KCNH7: variants seen among roughly 807,000 people sequenced by gnomAD.
The protein encoded by KCNH7 is voltage-gated inwardly rectifying potassium channel KCNH7.
A neutral mutation model predicts 120.8 loss-of-function variants in KCNH7; 49 were observed. That is an observed-to-expected ratio of 0.41 (90% CI 0.32 to 0.51). KCNH7 has a LOEUF of 0.51. Ranked by LOEUF, KCNH7 falls within the 20% of genes least tolerant of loss-of-function variation. The pLI, the probability that KCNH7 is intolerant of heterozygous loss-of-function variation, is 0.38. For missense variants in KCNH7, 1,097 were observed against 1,446.6 expected (o/e 0.76, Z 3.92); for synonymous variants, 547 against 516.1 (o/e 1.06, Z -0.81).
At chr2:162,767,738 G>A (rs1682877917) in intron 2 of KCNH7, among the ~76,000 whole-genome samples, 1 of 151,840 alleles carries the variant, frequency 6.6e-6, no homozygotes. Context: ...TATATTCATG[G>A]GTGAATACTT....
intron 12 of KCNH7, among the ~76,000 whole-genome samples, chr2:162,390,647 A>G (rs1464904945): frequency 6.6e-6 from 1 of 151,912 alleles, no homozygotes; most frequent in African/African-American, 2.4e-5. Context: ...TACAATAAAC[A>G]TTGTCATATT....
intron 10 of KCNH7, among the ~76,000 whole-genome samples, chr2:162,399,852 T>C (rs1395503276): frequency 3.3e-5 from 5 of 151,840 alleles, no homozygotes; most frequent in African/African-American, 7.2e-5. Flanking sequence ...TTTTAAGGTG[T>C]TGAGGGATCA....
At chr2:162,723,897 T>C (rs1365732372) in intron 2 of KCNH7, among the ~76,000 whole-genome samples, 2 of 152,162 alleles carry the variant, frequency 1.3e-5, no homozygotes, top group African/African-American at 2.4e-5. Flanking sequence ...ATATACACAG[T>C]TTCAAATATA....
chr2:162,440,881 A>T (rs1019668648), intron 7 of KCNH7, among the ~76,000 whole-genome samples: 1 of 152,158 alleles, frequency 6.6e-6, no homozygotes, highest in African/African-American at 2.4e-5. Flanking sequence ...TGCAAATGTT[A>T]CAACAAATAA....
chr2:162,449,256 T>C (rs939882048), intron 6 of KCNH7, among the ~76,000 whole-genome samples: 1 of 152,008 alleles, frequency 6.6e-6, no homozygotes, highest in East Asian at 1.9e-4. Flanking sequence ...AACCTTCTCA[T>C]ACAGGAATAA....
chr2:162,822,987 C>T (rs923608935), intron 2 of KCNH7, among the ~76,000 whole-genome samples: 21 of 152,152 alleles, frequency 1.4e-4, no homozygotes, highest in African/African-American at 4.6e-4. Flanking sequence ...ACATTTCACA[C>T]TTTGCATCAA....
chr2:162,566,554 A>G (rs541031644), intron 2 of KCNH7, among the ~76,000 whole-genome samples: 2 of 152,204 alleles, frequency 1.3e-5, no homozygotes, highest in South Asian at 2.1e-4. Flanking sequence ...TCAATTTACC[A>G]TCTCATGTAG....
At chr2:162,656,590 T>C (rs1684771919) in intron 2 of KCNH7, among the ~76,000 whole-genome samples, 1 of 152,192 alleles carries the variant, frequency 6.6e-6, no homozygotes. Context: ...AAGTAACTAT[T>C]CTCCTTTCCA....
intron 9 of KCNH7, among the ~76,000 whole-genome samples, chr2:162,406,452 G>A (rs183710445): frequency 4.1e-4 from 62 of 152,054 alleles, no homozygotes; most frequent in East Asian, 2.9e-3. Flanking sequence ...TGTGGCAAAT[G>A]ACTCCTCTAA....
chr2:162,606,924 A>G (rs969255914), intron 2 of KCNH7, among the ~76,000 whole-genome samples: 1 of 152,182 alleles, frequency 6.6e-6, no homozygotes, highest in African/African-American at 2.4e-5. Context: ...TAGCATTCAA[A>G]AAGCAACTAA....
chr2:162,477,495 G>A (rs1689785663), intron 6 of KCNH7, among the ~76,000 whole-genome samples: 1 of 152,188 alleles, frequency 6.6e-6, no homozygotes, highest in South Asian at 2.1e-4. Flanking sequence ...GAATAGAGAA[G>A]GAGGGACTTT....
chr2:162,821,944 G>A (rs1259947508), intron 2 of KCNH7, among the ~76,000 whole-genome samples: 5 of 151,232 alleles, frequency 3.3e-5, no homozygotes, highest in Non-Finnish European at 7.4e-5. Flanking sequence ...TTTTAATATA[G>A]CTGAAAGACA....
rs184050288 is a variant in KCNH7 at position 162,386,958 on chromosome 2, G to A, written c.2711-2019C>T. Among the ~76,000 whole-genome samples the A allele has an allele frequency of 2.0e-5, 3 of 151,546 alleles. No individual in the cohort carries two copies. In the East Asian group the frequency reaches 5.8e-4, roughly 29 times the overall value. ...CCTTGGACATGTGTTTACAAAATGT[G>A]GTCAGTGAGGAATTACTATTATTTA... On this transcript the variant is annotated intron_variant, in intron 12 of 15. Coordinates refer to ENST00000332142, the MANE Select transcript of KCNH7 (RefSeq NM_033272.4).
intron 2 of KCNH7, among the ~76,000 whole-genome samples, chr2:162,670,235 G>A (rs1255450388): frequency 6.6e-6 from 1 of 151,902 alleles, no homozygotes; most frequent in Non-Finnish European, 1.5e-5. Context: ...CACTTTGGGA[G>A]ACCGAGGCAG....
chr2:162,455,215 C>T (rs1484128276), intron 6 of KCNH7, among the ~76,000 whole-genome samples: 1 of 152,136 alleles, frequency 6.6e-6, no homozygotes, highest in Non-Finnish European at 1.5e-5. Context: ...GTCATTGGTT[C>T]TGTTTACATG....
At chr2:162,581,256 T>G (rs1165826598) in intron 2 of KCNH7, among the ~76,000 whole-genome samples, 1 of 152,068 alleles carries the variant, frequency 6.6e-6, no homozygotes, top group Non-Finnish European at 1.5e-5. Flanking sequence ...AGACCCAAAT[T>G]TTAAAAACTA....
At chr2:162,759,868 C>T (rs968484235) in intron 2 of KCNH7, among the ~76,000 whole-genome samples, 4 of 152,128 alleles carry the variant, frequency 2.6e-5, no homozygotes, top group African/African-American at 7.2e-5. Flanking sequence ...TTTGCTTCCA[C>T]TAATTGTTCT....
chr2:162,704,267 A>G lies in KCNH7; in HGVS notation c.307+132270T>C, dbSNP rs549706453. Reference sequence around the variant, plus strand: ...AATGTACCTGTTCCAGAGTGGGCCAATGTTGATAGATTAAAAAATTAAAAG... The same window carrying G: ...AATGTACCTGTTCCAGAGTGGGCCAGTGTTGATAGATTAAAAAATTAAAAG... On this transcript the variant is annotated intron_variant, in intron 2 of 15. Transcript: ENST00000332142. 7.6e-4 allele frequency among the ~76,000 whole-genome samples: 116 copies of G among 152,246 alleles called. No individual in the cohort carries two copies. The South Asian group carries it at 0.013, about 17-fold the overall frequency.
rs183331020 is a variant in KCNH7 at position 162,560,934 on chromosome 2, G to C, written c.308-23854C>G. On this transcript the variant is annotated intron_variant, in intron 2 of 15. Transcript: ENST00000332142. ...TCTTCTTGAAATAACAAAGTATGAA[G>C]GCCATTTTCCCAGTATGTTAGTGTC... Among the ~76,000 whole-genome samples the C allele has an allele frequency of 5.3e-4, 80 of 152,264 alleles. 1 individual carries two copies. In the East Asian group the frequency reaches 0.014, roughly 27 times the overall value.
Sources: gnomAD v4.1 joint callset for allele counts (sites outside exome capture counted in the v4.1 genomes callset) on GRCh38, gnomAD v4.1.1 for gene constraint, MANE v1.5 for transcripts, NCBI Gene and HGNC (gene_info 2026-07-23, HGNC 2026-07-21) for gene names.